Variants in TBC1D2B observed in about 807,000 individuals in gnomAD.
The protein encoded by TBC1D2B is TBC1 domain family member 2B, also known as TBC1 domain family, member 2B.
TBC1D2B carries 64 observed loss-of-function variants against 100.8 expected under a neutral mutation model. The observed-to-expected ratio is 0.64, with a 90% CI of 0.52 to 0.78. The LOEUF is 0.78. TBC1D2B is among the 30% of genes least tolerant of loss of function. The probability of loss-of-function intolerance (pLI) is 0.00; values close to 1 mark genes in which losing one functional copy is unlikely to be tolerated. For synonymous variants in TBC1D2B, 480 were observed against 479.7 expected, an observed-to-expected ratio of 1.00 and a Z score of -0.01; for missense variants, 1,052 against 1,218.4, an observed-to-expected ratio of 0.86 and a Z score of 2.03.
rs576321900 is a variant in TBC1D2B at position 78,053,603 on chromosome 15, C to T, written c.514+431G>A. 1.4e-4 allele frequency among the ~76,000 whole-genome samples: 22 copies of T among 152,312 alleles called. 1 individual carries two copies. The highest frequency in any genetic ancestry group is 4.8e-4 in the African/African-American group (20 of 41,560). On this transcript the variant is annotated intron_variant, in intron 2 of 12. Transcript: ENST00000300584. ...ATCAATGTTTGAAGGTTAAAGTCTT[C>T]CTAAGAAACACTAGAGAATTACAAG...
intron 1 of TBC1D2B, among the ~76,000 whole-genome samples, chr15:78,074,319 G>A (rs189615917): frequency 5.3e-5 from 8 of 152,130 alleles, no homozygotes; most frequent in Admixed American, 1.3e-4. Flanking sequence ...CACCACGCCC[G>A]GCCTTCTCCT....
At chr15:78,008,012 G>A (rs924194940) in intron 10 of TBC1D2B, among the ~76,000 whole-genome samples, 1 of 152,250 alleles carries the variant, frequency 6.6e-6, no homozygotes, top group Non-Finnish European at 1.5e-5. Flanking sequence ...AGGCCAGGCG[G>A]GGGCACAGAC....
In TBC1D2B at chr15:77,998,215, C is replaced by T. The variant is rs752725824; in HGVS notation, c.2837G>A (p.Arg946Gln). 19 of 1,567,196 alleles carry T rather than the reference C, an allele frequency of 1.2e-5. No homozygotes were observed. Among genetic ancestry groups the T allele is most frequent in the East Asian group, 7.1e-5 (3 of 42,002 alleles). ...CTCACCCTTGTCAGGGCTGGTGTCCCGCTCACGCAGGAAGTCCTCACGGAT... is the reference window on the plus strand; with the variant it reads ...CTCACCCTTGTCAGGGCTGGTGTCCTGCTCACGCAGGAAGTCCTCACGGAT... ...EAIREDFLRERDTSPDKGELV... is the reference protein window; with the variant it reads ...EAIREDFLREQDTSPDKGELV... The change falls in exon 13 of 13, where the codon CGG (arginine) becomes CAG (glutamine). Residue 946 changes from arginine to glutamine, a missense_variant. Arg to Gln is a conservative substitution (Grantham distance 43). This residue lies in a region of TBC1D2B where 47 missense variants were observed against 88.3 expected (regional missense o/e 0.53). Coordinates refer to ENST00000300584, the MANE Select transcript of TBC1D2B (RefSeq NM_144572.2).
At chr15:78,009,941 C>T (rs1325414129) in intron 9 of TBC1D2B, among the ~76,000 whole-genome samples, 1 of 148,448 alleles carries the variant, frequency 6.7e-6, no homozygotes, top group East Asian at 2.0e-4. Context: ...CTCCACTGCA[C>T]TCCGGCCTGG....
chr15:78,046,808 C>T (rs773288071), intron 2 of TBC1D2B, among the ~76,000 whole-genome samples: 2 of 152,130 alleles, frequency 1.3e-5, no homozygotes, highest in Admixed American at 1.3e-4. Flanking sequence ...AGCACACAAT[C>T]AGAGTCAGCA....
intron 9 of TBC1D2B, among the ~76,000 whole-genome samples, chr15:78,011,358 GGCCTGTGGGCA>G (rs1457162246): frequency 6.6e-6 from 1 of 152,152 alleles, no homozygotes; most frequent in African/African-American, 2.4e-5. Context: ...GAGCAAAAAA[GGCCTGTGGGCA>G]GCCATAACAA....
Position 78,057,662 on chromosome 15 carries a change from A to G in TBC1D2B, c.361-3475T>C, listed in dbSNP as rs141396650. On this transcript the variant is annotated intron_variant, in intron 1 of 12. Coordinates refer to ENST00000300584, the MANE Select transcript of TBC1D2B (RefSeq NM_144572.2). ...CTGTCTCAAAGAAAAAAAAAAATCTAGAGATCACTAGAAGACTTTTGACTT... is the reference window on the plus strand; with the variant it reads ...CTGTCTCAAAGAAAAAAAAAAATCTGGAGATCACTAGAAGACTTTTGACTT... 1.2e-4 allele frequency among the ~76,000 whole-genome samples: 18 copies of G among 152,268 alleles called. No homozygotes were observed. The East Asian group carries it at 3.1e-3, about 26-fold the overall frequency.
chr15:78,056,920 C>A (rs1009344301), intron 1 of TBC1D2B, among the ~76,000 whole-genome samples: 49 of 152,022 alleles, frequency 3.2e-4, no homozygotes, highest in African/African-American at 1.1e-3. Flanking sequence ...AGCTAAGCAC[C>A]CTGGGAGCCT....
At chr15:78,062,150 G>A (rs2073559911) in intron 1 of TBC1D2B, among the ~76,000 whole-genome samples, 1 of 152,198 alleles carries the variant, frequency 6.6e-6, no homozygotes. Flanking sequence ...CCAGGCAGCA[G>A]GGAGTCACTG....
intron 12 of TBC1D2B, among the ~76,000 whole-genome samples, chr15:78,000,630 G>A (rs2071887751): frequency 6.6e-6 from 1 of 152,160 alleles, no homozygotes; most frequent in Non-Finnish European, 1.5e-5. Flanking sequence ...AAATAGCGAC[G>A]ACCTCCAGGA....
intron 3 of TBC1D2B, among the ~76,000 whole-genome samples, chr15:78,040,855 G>GAAGAAAGGAAGAAAGAAAGAAAGA (rs1567026171): frequency 7.0e-4 from 52 of 74,736 alleles, no homozygotes; most frequent in Non-Finnish European, 7.7e-4. Flanking sequence ...AGAAAGAAAG[G>GAAGAAAGGAAGAAAGAAAGAAAGA]AAGAAAGAAA....
At chr15:78,029,574 A>C (rs1409518727) in intron 4 of TBC1D2B, among the ~76,000 whole-genome samples, 5 of 152,238 alleles carry the variant, frequency 3.3e-5, no homozygotes, top group African/African-American at 7.2e-5. Context: ...CTACAATAAT[A>C]ATCCAGCTGA....
At chr15:78,034,870 T>C (rs1399811055) in intron 3 of TBC1D2B, 2 of 336,142 alleles carry the variant, frequency 5.9e-6, no homozygotes, top group Non-Finnish European at 8.5e-6. Context: ...AGGGGGTCAT[T>C]ACAGTGCAGA....
At chr15:78,003,169 C>T in intron 11 of TBC1D2B, 136 bp downstream of exon 11, 1 of 684,074 alleles carries the variant, frequency 1.5e-6, no homozygotes, top group South Asian at 1.8e-5. Context: ...AGATCTAGTG[C>T]AGGCCGTGCT....
intron 1 of TBC1D2B, among the ~76,000 whole-genome samples, chr15:78,059,329 T>C (rs1232317259): frequency 6.6e-6 from 1 of 152,202 alleles, no homozygotes; most frequent in Non-Finnish European, 1.5e-5. Flanking sequence ...ATCTGACTCA[T>C]CCTCTCATGT....
At chr15:78,049,077 G>A (rs2073258811) in intron 2 of TBC1D2B, among the ~76,000 whole-genome samples, 1 of 152,186 alleles carries the variant, frequency 6.6e-6, no homozygotes, top group African/African-American at 2.4e-5. Context: ...ATCAATGTGA[G>A]TTTTAATACA....
At chr15:78,001,814 G>C (rs535409679) in intron 11 of TBC1D2B, 74 bp from the exon 12 acceptor site, 6 of 1,506,860 alleles carry the variant, frequency 4.0e-6, no homozygotes, top group Non-Finnish European at 5.3e-6. Flanking sequence ...CTCCAGGGGG[G>C]TGCTGGCCCT....
At position 78,064,317 on chromosome 15, in the gene TBC1D2B, AAAGGG is replaced by A. The variant is rs1476246749; in HGVS notation, c.361-10135_361-10131del. Among the ~76,000 whole-genome samples the A allele has an allele frequency of 2.0e-5, 3 of 152,322 alleles. No homozygotes were observed. The East Asian group carries it at 5.8e-4, about 29-fold the overall frequency. ...GGTTATGAACTCTGGGTTCCTTCCC[AAAGGG>A]TCAGGTCCTACCATGTTTATTAGCC... On this transcript the variant is annotated intron_variant, in intron 1 of 12. Transcript: ENST00000300584.
At chr15:78,027,290 G>A (rs944562760) in intron 4 of TBC1D2B, among the ~76,000 whole-genome samples, 1 of 152,160 alleles carries the variant, frequency 6.6e-6, no homozygotes, top group African/African-American at 2.4e-5. Flanking sequence ...TGCTGGCATC[G>A]TCCTCCTTCT....
Sources: allele counts gnomAD v4.1 joint callset (sites outside exome capture counted in the v4.1 genomes callset), GRCh38; gene constraint gnomAD v4.1.1; regional missense constraint gnomAD v4.1.1; transcripts MANE v1.5; gene names NCBI Gene and HGNC (gene_info 2026-07-23, HGNC 2026-07-21).